Variants in PKP4 observed in about 807,000 individuals in gnomAD.
PKP4 encodes plakophilin 4.
PKP4 carries 90 observed loss-of-function variants against 145.1 expected under a neutral mutation model. The observed-to-expected ratio is 0.62, with a 90% CI of 0.52 to 0.74. The LOEUF (loss-of-function observed/expected upper bound fraction) is 0.74, where lower values mean the gene tolerates loss of function less well. Ranked by LOEUF, PKP4 falls within the 30% of genes least tolerant of loss-of-function variation. The pLI, the probability that PKP4 is intolerant of heterozygous loss-of-function variation, is 0.00. For synonymous variants in PKP4, 563 were observed against 577.2 expected, an observed-to-expected ratio of 0.98 and a Z score of 0.35; for missense variants, 1,340 against 1,482.7, an observed-to-expected ratio of 0.90 and a Z score of 1.58.
intron 1 of PKP4, among the ~76,000 whole-genome samples, chr2:158,466,701 T>C (rs1690679305): frequency 6.6e-6 from 1 of 152,222 alleles, no homozygotes; most frequent in African/African-American, 2.4e-5. Flanking sequence ...CGAAACTCCA[T>C]TTCAAAAAGA....
Position 158,522,779 on chromosome 2 carries a change from G to C in PKP4, c.-5-10401G>C, listed in dbSNP as rs566729466. Among the ~76,000 whole-genome samples the C allele has an allele frequency of 4.5e-3, 678 of 152,336 alleles. 2 individuals are homozygous for C. Among genetic ancestry groups the C allele is most frequent in the Non-Finnish European group, 6.3e-3 (428 of 68,030 alleles). On this transcript the variant is annotated intron_variant, in intron 1 of 21. Coordinates refer to ENST00000389759, the MANE Select transcript of PKP4 (RefSeq NM_003628.6). ...GCGCAGGCCAGTGGGTGTGCGCACC[G>C]TGCGCGAGCCAAAGCAGGGCGAGGC...
In PKP4 at chr2:158,669,796, G is replaced by C. The variant is rs370788611; in HGVS notation, c.2805G>C (p.Met935Ile). 6.2e-7 allele frequency: 1 copy of C among 1,613,740 alleles called. No individual in the cohort carries two copies. Among genetic ancestry groups the C allele is most frequent in the Non-Finnish European group, 8.5e-7 (1 of 1,179,754 alleles). ...CCAGTGTCTTGTCTGATGAGACCAT[G>C]GCAGCCATCTGCTGTGCTCTGCACG... Reference protein sequence around the residue: ...NGPSVLSDETMAAICCALHEV... With the variant: ...NGPSVLSDETIAAICCALHEV... The change falls in exon 17 of 22, where the codon ATG (methionine) becomes ATC (isoleucine). Residue 935 changes from methionine to isoleucine, a missense_variant. Coordinates refer to ENST00000389759, the MANE Select transcript of PKP4 (RefSeq NM_003628.6).
chr2:158,486,671 C>T (rs1233613282), intron 1 of PKP4, among the ~76,000 whole-genome samples: 2 of 152,214 alleles, frequency 1.3e-5, no homozygotes, highest in Non-Finnish European at 2.9e-5. Flanking sequence ...TAAGTTAGGA[C>T]CTGCCACATG....
intron 2 of PKP4, among the ~76,000 whole-genome samples, chr2:158,560,247 TA>T (rs2046404694): frequency 1.3e-5 from 2 of 152,294 alleles, no homozygotes; most frequent in African/African-American, 4.8e-5. Flanking sequence ...TAAGAGTGCC[TA>T]ATTTGTGTAA....
chr2:158,620,352 T>C (rs899295948), intron 4 of PKP4, among the ~76,000 whole-genome samples: 3 of 152,102 alleles, frequency 2.0e-5, no homozygotes, highest in Non-Finnish European at 4.4e-5. Context: ...CAAATGGTAC[T>C]GTTAAATTAA....
chr2:158,627,317 A>G (rs2052894718), intron 7 of PKP4, among the ~76,000 whole-genome samples: 2 of 152,144 alleles, frequency 1.3e-5, no homozygotes, highest in Non-Finnish European at 2.9e-5. Flanking sequence ...GTAAGAGAGT[A>G]GAGAGGAGAC....
At chr2:158,630,270 G>T (rs182990521) in intron 7 of PKP4, among the ~76,000 whole-genome samples, 1 of 152,124 alleles carries the variant, frequency 6.6e-6, no homozygotes, top group African/African-American at 2.4e-5. Context: ...TGGGTTTGAA[G>T]TATACCTTTT....
At chr2:158,509,123 T>C (rs533331171) in intron 1 of PKP4, among the ~76,000 whole-genome samples, 17 of 152,062 alleles carry the variant, frequency 1.1e-4, no homozygotes, top group African/African-American at 4.1e-4. Context: ...CTTGGGAACA[T>C]CACAATATTT....
At chr2:158,536,121 C>T (rs1310723499) in intron 2 of PKP4, among the ~76,000 whole-genome samples, 1 of 152,144 alleles carries the variant, frequency 6.6e-6, no homozygotes, top group Non-Finnish European at 1.5e-5. Context: ...TGTAACCATA[C>T]TAAAGATTCA....
intron 11 of PKP4, among the ~76,000 whole-genome samples, chr2:158,643,814 G>A (rs1007645492): frequency 6.6e-6 from 1 of 152,084 alleles, no homozygotes; most frequent in Admixed American, 6.5e-5. Context: ...CACCCAGGCT[G>A]GGATGCAATG....
chr2:158,465,270 G>A (rs1690429218), intron 1 of PKP4, among the ~76,000 whole-genome samples: 1 of 152,124 alleles, frequency 6.6e-6, no homozygotes, highest in Non-Finnish European at 1.5e-5. Flanking sequence ...GCTTAATTGT[G>A]TATTACATGA....
intron 17 of PKP4, among the ~76,000 whole-genome samples, chr2:158,671,677 C>CA (rs746444498): frequency 1.3e-5 from 2 of 152,258 alleles, no homozygotes; most frequent in Non-Finnish European, 2.9e-5. Flanking sequence ...GGGCTTGCAG[C>CA]AGCAGACAGG....
chr2:158,610,662 C>A (rs1388943860), intron 4 of PKP4, among the ~76,000 whole-genome samples: 1 of 152,124 alleles, frequency 6.6e-6, no homozygotes, highest in Non-Finnish European at 1.5e-5. Context: ...TTAGGTCCCC[C>A]AGTCACATTC....
chr2:158,565,037 T>G (rs1052327746), intron 2 of PKP4, among the ~76,000 whole-genome samples: 1 of 152,168 alleles, frequency 6.6e-6, no homozygotes, highest in African/African-American at 2.4e-5. Flanking sequence ...GAGCAAGAAT[T>G]TAGAATTTCA....
intron 3 of PKP4, among the ~76,000 whole-genome samples, chr2:158,596,867 G>A (rs1317530103): frequency 6.6e-6 from 1 of 152,182 alleles, no homozygotes; most frequent in East Asian, 1.9e-4. Flanking sequence ...AAGTCAAGGT[G>A]CAGTCTAGAC....
At chr2:158,573,023 A>G (rs2047538099) in intron 2 of PKP4, among the ~76,000 whole-genome samples, 1 of 152,182 alleles carries the variant, frequency 6.6e-6, no homozygotes, top group Admixed American at 6.5e-5. Flanking sequence ...TGCTCTGGAG[A>G]AGTATGATTC....
intron 17 of PKP4, among the ~76,000 whole-genome samples, chr2:158,671,788 G>C (rs1183057378): frequency 6.6e-6 from 1 of 152,258 alleles, no homozygotes; most frequent in Non-Finnish European, 1.5e-5. Context: ...GGTGGGTGGT[G>C]CTGAGGGGCA....
At chr2:158,618,596 GTTAT>G (rs1294031866) in intron 4 of PKP4, among the ~76,000 whole-genome samples, 1 of 152,124 alleles carries the variant, frequency 6.6e-6, no homozygotes, top group Non-Finnish European at 1.5e-5. Context: ...TTTCTCTAAG[GTTAT>G]TTATTTTAAA....
At chr2:158,564,006 C>A (rs909282477) in intron 2 of PKP4, among the ~76,000 whole-genome samples, 2 of 152,084 alleles carry the variant, frequency 1.3e-5, no homozygotes, top group African/African-American at 4.8e-5. Flanking sequence ...AATAATACTT[C>A]GTGTCTTTTC....
Sources: gnomAD v4.1 joint callset for allele counts (sites outside exome capture counted in the v4.1 genomes callset) on GRCh38, gnomAD v4.1.1 for gene constraint, MANE v1.5 for transcripts, NCBI Gene and HGNC (gene_info 2026-07-23, HGNC 2026-07-21) for gene names.